The following DOK6 variants were observed in gnomAD, a reference collection of about 807,000 sequenced individuals.
DOK6 encodes docking protein 6.
In DOK6, 22 loss-of-function variants were observed where a neutral mutation model predicts 44.0. That is an observed-to-expected ratio of 0.50 (90% confidence interval 0.36 to 0.71). The LOEUF (loss-of-function observed/expected upper bound fraction) is 0.71. DOK6 is among the 30% of genes least tolerant of loss of function. DOK6 has a pLI of 0.00. For missense variants in DOK6, 340 were observed against 416.4 expected (o/e 0.82, Z 1.60); for synonymous variants, 166 against 145.5 (o/e 1.14, Z -1.01).
intron 2 of DOK6, among the ~76,000 whole-genome samples, chr18:69,571,799 C>G (rs1983120468): frequency 6.6e-6 from 1 of 152,004 alleles, no homozygotes; most frequent in South Asian, 2.1e-4. Flanking sequence ...TTAACCCCCT[C>G]CCTTTCTCAC....
At chr18:69,829,158 G>A (rs569495084) in intron 7 of DOK6, among the ~76,000 whole-genome samples, 79 of 150,018 alleles carry the variant, frequency 5.3e-4, no homozygotes, top group Non-Finnish European at 8.5e-4. Context: ...TGGAAAAGAG[G>A]GAGAGAAAAC....
intron 7 of DOK6, among the ~76,000 whole-genome samples, chr18:69,769,024 G>C (rs932848600): frequency 2.0e-5 from 3 of 149,452 alleles, no homozygotes; most frequent in Non-Finnish European, 4.5e-5. Context: ...TGTAGTTTGG[G>C]AGTGCTCTTA....
intron 5 of DOK6, among the ~76,000 whole-genome samples, chr18:69,728,919 T>C (rs1250765989): frequency 6.6e-6 from 1 of 152,184 alleles, no homozygotes; most frequent in African/African-American, 2.4e-5. Flanking sequence ...AGAACCACCA[T>C]GATTTTTGTG....
intron 1 of DOK6, among the ~76,000 whole-genome samples, chr18:69,527,879 C>G (rs1372500945): frequency 6.6e-6 from 1 of 152,046 alleles, no homozygotes; most frequent in East Asian, 1.9e-4. Context: ...AATGCTTCAC[C>G]TGGCCGGGTG....
Position 69,716,788 on chromosome 18 carries a change from T to C in DOK6, c.599+18195T>C, listed in dbSNP as rs552972836. On this transcript the variant is annotated intron_variant, in intron 5 of 7. Transcript: ENST00000382713. ...TTGCGCCCTAAAGTGGTGTTTCAAATTCTGCTCCTTTTCCTAGGAGTAATT... is the reference window on the plus strand; with the variant it reads ...TTGCGCCCTAAAGTGGTGTTTCAAACTCTGCTCCTTTTCCTAGGAGTAATT... Among the ~76,000 whole-genome samples the C allele has an allele frequency of 2.6e-3, 391 of 152,050 alleles. 1 individual carries two copies. The highest frequency in any genetic ancestry group is 4.6e-3 in the Non-Finnish European group (314 of 67,978).
chr18:69,605,805 T>C (rs1376949426), intron 3 of DOK6, among the ~76,000 whole-genome samples: 2 of 152,162 alleles, frequency 1.3e-5, no homozygotes, highest in Non-Finnish European at 2.9e-5. Context: ...AAACTGATGC[T>C]TTCTCCATAG....
At chr18:69,803,047 A>G (rs767100268) in intron 7 of DOK6, among the ~76,000 whole-genome samples, 1 of 152,138 alleles carries the variant, frequency 6.6e-6, no homozygotes, top group Non-Finnish European at 1.5e-5. Context: ...TATATGAAAG[A>G]TAGATTGAAA....
chr18:69,664,586 A>G (rs1244957577), intron 3 of DOK6, among the ~76,000 whole-genome samples: 24 of 152,204 alleles, frequency 1.6e-4, no homozygotes, highest in Admixed American at 1.6e-3. Flanking sequence ...TCTTCTTGGA[A>G]ATAAACAAAG....
At chr18:69,708,676 C>T (rs555735109) in intron 5 of DOK6, among the ~76,000 whole-genome samples, 3 of 150,570 alleles carry the variant, frequency 2.0e-5, no homozygotes, top group Admixed American at 1.3e-4. Flanking sequence ...CCCACCTACT[C>T]GGGAGGCTGA....
chr18:69,603,959 T>C (rs964293331), intron 3 of DOK6, among the ~76,000 whole-genome samples: 2 of 152,112 alleles, frequency 1.3e-5, no homozygotes, highest in Non-Finnish European at 1.5e-5. Context: ...GGATCATAAT[T>C]TTATTTTAAC....
intron 3 of DOK6, among the ~76,000 whole-genome samples, chr18:69,655,761 C>CAAAAA (rs74175379): frequency 1.3e-3 from 57 of 43,120 alleles, no homozygotes; most frequent in African/African-American, 2.8e-3. Context: ...CCCCACCCCT[C>CAAAAA]AAAAAAAAAA....
rs777463986 is a variant in DOK6, at chr18:69,599,491, T to C, written c.282T>C (p.Cys94=). 7 of 1,613,384 alleles carry C rather than the reference T, an allele frequency of 4.3e-6. No individual in the cohort carries two copies. In the South Asian group the frequency reaches 6.6e-5, roughly 15 times the overall value. The change falls in exon 3 of 8, where the codon TGT becomes TGC. Residue 94 remains cysteine, a synonymous_variant. Coordinates refer to ENST00000382713, the MANE Select transcript of DOK6 (RefSeq NM_152721.6). ...ATGAAACATCGAAGACATTTGCCTG[T>C]GAGTCAGGTAAGCTATTATTGGCCA... ...FHDETSKTFA[C]ESELEAEEWC...
chr18:69,410,493 A>G (rs1978301366), intron 1 of DOK6, among the ~76,000 whole-genome samples: 1 of 152,238 alleles, frequency 6.6e-6, no homozygotes, highest in African/African-American at 2.4e-5. Flanking sequence ...TCTGAAATAT[A>G]AAGTTAATTA....
intron 3 of DOK6, among the ~76,000 whole-genome samples, chr18:69,632,626 T>C (rs571471324): frequency 1.3e-5 from 2 of 152,342 alleles, no homozygotes; most frequent in South Asian, 4.1e-4. Flanking sequence ...TACTGTCCTC[T>C]TGACTGGTAG....
At chr18:69,553,084 T>C (rs564544932) in intron 1 of DOK6, among the ~76,000 whole-genome samples, 88 of 152,370 alleles carry the variant, frequency 5.8e-4, no homozygotes, top group Non-Finnish European at 9.3e-4. Flanking sequence ...AGATTTAACA[T>C]TGTGATTTTA....
At chr18:69,630,600 C>A (rs1019552035) in intron 3 of DOK6, among the ~76,000 whole-genome samples, 3 of 151,970 alleles carry the variant, frequency 2.0e-5, no homozygotes, top group African/African-American at 7.3e-5. Flanking sequence ...TATAAAAAGT[C>A]GAAACAATAA....
chr18:69,564,237 TTTAG>T (rs1982915355), intron 1 of DOK6, among the ~76,000 whole-genome samples: 1 of 152,220 alleles, frequency 6.6e-6, no homozygotes, highest in African/African-American at 2.4e-5. Flanking sequence ...ATCCAGATGA[TTTAG>T]TTATATTAAA....
At chr18:69,729,029 G>A (rs961906740) in intron 5 of DOK6, among the ~76,000 whole-genome samples, 3 of 152,116 alleles carry the variant, frequency 2.0e-5, no homozygotes, top group African/African-American at 7.2e-5. Flanking sequence ...AGAGGGCTGA[G>A]AAGTCAGAAG....
intron 1 of DOK6, among the ~76,000 whole-genome samples, chr18:69,545,783 G>A (rs1394372202): frequency 1.3e-5 from 2 of 151,096 alleles, no homozygotes; most frequent in Non-Finnish European, 3.0e-5. Flanking sequence ...GTAAATAGAT[G>A]GCAGTATTCA....
Sources: gnomAD v4.1 joint callset for allele counts (sites outside exome capture counted in the v4.1 genomes callset) on GRCh38, gnomAD v4.1.1 for gene constraint, MANE v1.5 for transcripts, NCBI Gene and HGNC (gene_info 2026-07-23, HGNC 2026-07-21) for gene names.